Variants in CERS3 observed in about 807,000 individuals in gnomAD.
CERS3 encodes the protein ceramide synthase 3, also known as LAG1 homolog, ceramide synthase 3.
Under a neutral mutation model 50.3 loss-of-function variants are expected in CERS3, and 33 were observed. The observed-to-expected ratio is 0.66, with a 90% CI of 0.50 to 0.88. The LOEUF is 0.88. Among genes scored for constraint, CERS3 ranks in the 40% least tolerant of loss-of-function variants. The probability of loss-of-function intolerance (pLI) is 0.00; values close to 1 mark genes in which losing one functional copy is unlikely to be tolerated. For synonymous variants in CERS3, 176 were observed against 155.2 expected (o/e 1.13, Z -0.99); for missense variants, 470 against 460.3 (o/e 1.02, Z -0.19).
In CERS3 at chr15:100,476,225, C is replaced by A. The variant is rs1256263307; in HGVS notation, c.517-47G>T. 5 of 1,320,386 alleles carry A rather than the reference C, an allele frequency of 3.8e-6. No individual in the cohort carries two copies. The African/African-American group carries it at 7.7e-5, about 20-fold the overall frequency. The allele number at this position is 1,320,386 out of a possible 1,614,324, so 81.8% of individuals were successfully genotyped here. On this transcript the variant is annotated intron_variant, in intron 7 of 11. Transcript: ENST00000679737. ...ATTACTTTAAATGCCATCATAGAAG[C>A]AACTCATTTTAATGCACTAAAACCT... is the stretch of plus-strand genomic sequence containing the variant.
At chr15:100,500,782 T>A (rs1320787957) in intron 3 of CERS3, among the ~76,000 whole-genome samples, 1 of 152,318 alleles carries the variant, frequency 6.6e-6, no homozygotes, top group African/African-American at 2.4e-5. Flanking sequence ...GTACAAAAAC[T>A]TTTTCAAGAG....
chr15:100,429,944 T>G (rs116294440), intron 11 of CERS3, among the ~76,000 whole-genome samples: 2,422 of 151,872 alleles, frequency 0.016, 66 homozygotes, highest in African/African-American at 0.055. Context: ...TATTTTTTTT[T>G]ATATATTTAT....
intron 11 of CERS3, among the ~76,000 whole-genome samples, chr15:100,424,496 C>G (rs1159786591): frequency 6.6e-6 from 1 of 152,142 alleles, no homozygotes; most frequent in Non-Finnish European, 1.5e-5. Context: ...CTGAGGAGGT[C>G]TCAGATGGAG....
chr15:100,441,200 G>A (rs186639787), intron 11 of CERS3, among the ~76,000 whole-genome samples: 180 of 150,758 alleles, frequency 1.2e-3, no homozygotes, highest in East Asian at 3.9e-3. Flanking sequence ...TTATCTCTGC[G>A]CCCTGATCCC....
chr15:100,450,149 G>T (rs1485761632), intron 11 of CERS3, among the ~76,000 whole-genome samples: 1 of 152,046 alleles, frequency 6.6e-6, no homozygotes, highest in East Asian at 1.9e-4. Context: ...GGCCAGGTGT[G>T]GTGGCTCACT....
Position 100,402,653 on chromosome 15 carries a change from AG to A in CERS3, c.*59del. ...ATGTGGGGTCGGTGTGGGGCCTGGA[AG>A]CCAGGCTGCCAACAGTACTTGCAGC... On this transcript the variant is annotated 3_prime_UTR_variant, in exon 12 of 12. Coordinates refer to ENST00000679737, the MANE Select transcript of CERS3 (RefSeq NM_001378789.1). The A allele has an allele frequency of 1.9e-6, 3 of 1,556,948 alleles. No individual in the cohort carries two copies. Among genetic ancestry groups the A allele is most frequent in the Admixed American group, 1.9e-5 (1 of 53,858 alleles).
At chr15:100,404,930 A>T (rs2142042158) in intron 11 of CERS3, among the ~76,000 whole-genome samples, 1 of 152,330 alleles carries the variant, frequency 6.6e-6, no homozygotes, top group South Asian at 2.1e-4. Flanking sequence ...CAAATAAGTA[A>T]ACTTTGACTA....
intron 11 of CERS3, among the ~76,000 whole-genome samples, chr15:100,418,361 C>T (rs891546881): frequency 6.4e-4 from 97 of 151,172 alleles, no homozygotes; most frequent in African/African-American, 1.7e-3. Context: ...TGAAATGAAG[C>T]GAGAAGGGAA....
intron 11 of CERS3, among the ~76,000 whole-genome samples, chr15:100,408,295 G>A (rs2031218429): frequency 1.3e-5 from 2 of 152,088 alleles, no homozygotes; most frequent in Admixed American, 1.3e-4. Flanking sequence ...ATAATTCCAG[G>A]AAACCATGTC....
At chr15:100,491,207 G>A (rs2035641507) in intron 3 of CERS3, among the ~76,000 whole-genome samples, 1 of 151,916 alleles carries the variant, frequency 6.6e-6, no homozygotes. Context: ...ATTAGAATAA[G>A]CTGTTCTACT....
Position 100,402,212 on chromosome 15 carries a change from G to A in CERS3, c.*501C>T, listed in dbSNP as rs73470740. The A allele has an allele frequency of 0.016, 2,480 of 154,836 alleles. 77 individuals carry two copies. Among genetic ancestry groups the A allele is most frequent in the African/African-American group, 0.056 (2,334 of 41,564 alleles). The allele number at this position is 154,836 out of a possible 1,614,324, so 9.6% of individuals were successfully genotyped here. ...GCAGGGACTGCCACCGCCCTGTGGA[G>A]ATGAGGCACCTAAGCTTCAGGATGG... On this transcript the variant is annotated 3_prime_UTR_variant, in exon 12 of 12. Coordinates refer to ENST00000679737, the MANE Select transcript of CERS3 (RefSeq NM_001378789.1).
chr15:100,419,444 G>GACC (rs1487656468), intron 11 of CERS3, among the ~76,000 whole-genome samples: 10 of 135,416 alleles, frequency 7.4e-5, no homozygotes, highest in Non-Finnish European at 1.4e-4. Flanking sequence ...AGTCCTGAGT[G>GACC]ACCTACAAAG....
intron 8 of CERS3, among the ~76,000 whole-genome samples, chr15:100,474,277 G>A (rs1316009223): frequency 3.3e-5 from 5 of 152,118 alleles, no homozygotes; most frequent in Non-Finnish European, 7.3e-5. Context: ...GTTTAATTGT[G>A]TTATATGTGG....
chr15:100,445,546 T>C (rs1181971498), intron 11 of CERS3, among the ~76,000 whole-genome samples: 3 of 152,166 alleles, frequency 2.0e-5, no homozygotes, highest in Non-Finnish European at 4.4e-5. Context: ...TACAAAACTG[T>C]ATCCAGGCCA....
At chr15:100,539,920 G>A (rs2037159504) in intron 1 of CERS3, among the ~76,000 whole-genome samples, 2 of 152,094 alleles carry the variant, frequency 1.3e-5, no homozygotes, top group East Asian at 1.9e-4. Flanking sequence ...TTCCCTTTCT[G>A]GTCCTGAGGG....
intron 1 of CERS3, among the ~76,000 whole-genome samples, chr15:100,538,142 G>C (rs2037116479): frequency 6.6e-6 from 1 of 152,184 alleles, no homozygotes; most frequent in Non-Finnish European, 1.5e-5. Context: ...CTGTCATTTT[G>C]GCCAGCTCTG....
At position 100,441,092 on chromosome 15, in the gene CERS3, G is replaced by GATAA. The variant is rs2033661043; in HGVS notation, c.999+14800_999+14801insTTAT. Among the ~76,000 whole-genome samples the GATAA allele has an allele frequency of 4.6e-5, 7 of 152,240 alleles. No individual in the cohort carries two copies. The South Asian group carries it at 1.5e-3, about 32-fold the overall frequency. The stretch of plus-strand genomic sequence containing the variant: ...GTCCCGCTTTTCTGGGGGAGGGGCA[G>GATAA]GAACCCCGACCTCTTATCTCTGCGC... On this transcript the variant is annotated intron_variant, in intron 11 of 11. Transcript: ENST00000679737.
At chr15:100,529,419 C>T (rs146563702), upstream of CERS3, among the ~76,000 whole-genome samples, 11 of 152,322 alleles carry the variant, frequency 7.2e-5, no homozygotes, top group East Asian at 9.7e-4. Flanking sequence ...ATTGAGAAAA[C>T]GATCAGTTTT....
At chr15:100,410,049 A>C (rs2031358407) in intron 11 of CERS3, among the ~76,000 whole-genome samples, 1 of 152,190 alleles carries the variant, frequency 6.6e-6, no homozygotes, top group Admixed American at 6.5e-5. Flanking sequence ...CTGATAACCT[A>C]GCAAAGGTAC....
Sources: gnomAD v4.1 joint callset for allele counts (sites outside exome capture counted in the v4.1 genomes callset) on GRCh38, gnomAD v4.1.1 for gene constraint, MANE v1.5 for transcripts, NCBI Gene and HGNC (gene_info 2026-07-23, HGNC 2026-07-21) for gene names.